Variants in GYS1 observed in about 807,000 individuals in gnomAD.
GYS1 encodes glycogen [starch] synthase, muscle.
In GYS1, 60 loss-of-function variants were observed where a neutral mutation model predicts 89.1. The ratio of observed to expected loss-of-function variants is 0.67; its 90% CI spans 0.55 to 0.84. GYS1 has a LOEUF of 0.84. Among genes scored for constraint, GYS1 ranks in the 40% least tolerant of loss-of-function variants. The pLI is 0.00. For synonymous variants in GYS1, 366 were observed against 401.7 expected (o/e 0.91, Z 1.06); for missense variants, 888 against 1,003.1 (o/e 0.89, Z 1.55).
rs1400212175 is a variant in GYS1, at chr19:48,975,933, A to AG, written c.1309-1201_1309-1200insC. Among the ~76,000 whole-genome samples, 527 of 150,150 alleles carry AG rather than the reference A, an allele frequency of 3.5e-3. 1 individual carries two copies. Among genetic ancestry groups the AG allele is most frequent in the Non-Finnish European group, 6.4e-3 (427 of 67,172 alleles). On this transcript the variant is annotated intron_variant, in intron 10 of 15. Coordinates refer to ENST00000323798, the MANE Select transcript of GYS1 (RefSeq NM_002103.5). ...TCTCAAAAAAAAAAAAAAAAAAAAA[A>AG]AAGAAGAAAAAAGAAAATTCACCTC...
chr19:48,973,372 AATCT>A (rs1300654566), intron 12 of GYS1, among the ~76,000 whole-genome samples: 3 of 151,852 alleles, frequency 2.0e-5, no homozygotes, highest in African/African-American at 2.4e-5. Flanking sequence ...ACTATCTATC[AATCT>A]ATCTATAAAA....
chr19:48,982,038 G>C (rs2038772314), intron 7 of GYS1, among the ~76,000 whole-genome samples: 1 of 152,090 alleles, frequency 6.6e-6, no homozygotes, highest in African/African-American at 2.4e-5. Flanking sequence ...GACTACACGT[G>C]TGAGCCACCA....
Position 48,987,304 on chromosome 19 carries a change from G to A in GYS1, c.382C>T (p.Arg128Cys), listed in dbSNP as rs781754385. Reference sequence around the variant, plus strand: ...GTATCCCAGAGCTCTCCCTTCCAGCGCTCCAGGGCCCAAGCTGAGGCACCC... The same window carrying A: ...GTATCCCAGAGCTCTCCCTTCCAGCACTCCAGGGCCCAAGCTGAGGCACCC... ...DVGASAWALE[R>C]WKGELWDTCN... Residue 128 changes from arginine (R) to cysteine (C), a missense_variant, in exon 3 of 16, where the codon CGC (arginine) becomes TGC (cysteine). Arg to Cys is a radical substitution (Grantham distance 180). Coordinates refer to ENST00000323798, the MANE Select transcript of GYS1 (RefSeq NM_002103.5). 1.2e-5 allele frequency: 20 copies of A among 1,612,360 alleles called. No homozygotes were observed. Among genetic ancestry groups the A allele is most frequent in the African/African-American group, 9.3e-5 (7 of 74,894 alleles).
chr19:48,975,026 G>C (rs1377646692), intron 10 of GYS1, among the ~76,000 whole-genome samples: 2 of 152,098 alleles, frequency 1.3e-5, no homozygotes, highest in African/African-American at 4.8e-5. Flanking sequence ...CACCTCCCAG[G>C]ATCATGCCAT....
chr19:48,970,601 T>C lies in GYS1; in HGVS notation c.1754A>G (p.Gln585Arg), dbSNP rs748471233. The change falls in exon 14 of 16, where the codon CAG becomes CGG. Residue 585 changes from glutamine (Q) to arginine (R), a missense_variant. By Grantham distance (43) the Gln-to-Arg change is conservative. Coordinates refer to ENST00000323798, the MANE Select transcript of GYS1 (RefSeq NM_002103.5). ...GGAGAGGCGCTCCGTGCGGTTCCGC[T>C]GGATGATACGCTGCCGCCGGCTCTG... ...CQQSRRQRII[Q>R]RNRTERLSDL... The C allele has an allele frequency of 4.7e-5, 76 of 1,613,784 alleles. No individual in the cohort carries two copies. The highest frequency in any genetic ancestry group is 2.3e-5 in the Non-Finnish European group (27 of 1,179,942).
At position 48,968,736 on chromosome 19, in the gene GYS1, C is replaced by T. The variant is rs568116332; in HGVS notation, c.*552G>A. ...GACATGCCAGGGAGGGCTAGAACAT[C>T]CCTCCCAGAGCCCCACTTCTGGAGT... is the stretch of plus-strand genomic sequence containing the variant. On this transcript the variant is annotated 3_prime_UTR_variant, in exon 16 of 16. Coordinates refer to ENST00000323798, the MANE Select transcript of GYS1 (RefSeq NM_002103.5). The T allele has an allele frequency of 4.4e-6, 2 of 454,138 alleles. No homozygotes were observed. Among genetic ancestry groups the T allele is most frequent in the Middle Eastern group, 6.9e-4 (1 of 1,444 alleles). The allele number at this position is 454,138 out of a possible 1,614,324, so 28.1% of individuals were successfully genotyped here.
chr19:48,993,046 C>A lies in GYS1; in HGVS notation c.67G>T (p.Asp23Tyr). 6.2e-7 allele frequency: 1 copy of A among 1,613,658 alleles called. No individual in the cohort carries two copies. The highest frequency in any genetic ancestry group is 8.5e-7 in the Non-Finnish European group (1 of 1,179,636). ...PGLEDWEDEFDLENAVLFEVA... is the reference protein window; with the variant it reads ...PGLEDWEDEFYLENAVLFEVA... ...TCGAAGAGCACTGCGTTCTCCAGGT[C>A]GAATTCATCCTCCCAGTCCTCCAGT... The change falls in exon 1 of 16, where the codon GAC becomes TAC. Residue 23 changes from aspartate (D) to tyrosine (Y), a missense_variant. Coordinates refer to ENST00000323798, the MANE Select transcript of GYS1 (RefSeq NM_002103.5).
chr19:48,969,336 CG>C lies in GYS1; in HGVS notation c.2165del (p.Pro722ArgfsTer120), dbSNP rs757063983. 5.7e-6 allele frequency: 9 copies of C among 1,584,406 alleles called. No individual in the cohort carries two copies. Among genetic ancestry groups the C allele is most frequent in the Non-Finnish European group, 6.0e-6 (7 of 1,171,472 alleles). ...DTATSSSLST[P>X]SEPLSPTSSL... is the part of the protein sequence containing the mutation. Reference sequence around the variant, plus strand: ...AGCTGGTGGGGCTGAGGGGCTCGCTCGGGGTGCTGAGTGAGCTGGAGGTGGC... The same window carrying C: ...AGCTGGTGGGGCTGAGGGGCTCGCTCGGGTGCTGAGTGAGCTGGAGGTGGC... On this transcript the variant is annotated frameshift_variant, in exon 16 of 16. Coordinates refer to ENST00000323798, the MANE Select transcript of GYS1 (RefSeq NM_002103.5). LOFTEE classifies it high-confidence loss of function.
At position 48,982,716 on chromosome 19, in the gene GYS1, G is replaced by T; in HGVS notation, c.941+4C>A. 6.4e-7 allele frequency: 1 copy of T among 1,569,404 alleles called. No individual in the cohort carries two copies. The highest frequency in any genetic ancestry group is 8.8e-7 in the Non-Finnish European group (1 of 1,139,628). ...CTTAAGACCTAGGTATATGCCCCAC[G>T]TACCCATAAAAATGGCCCCGCACAA... On this transcript the variant is annotated splice_donor_region_variant and intron_variant, in intron 6 of 15. Coordinates refer to ENST00000323798, the MANE Select transcript of GYS1 (RefSeq NM_002103.5).
In GYS1 at chr19:48,985,862, G is replaced by C. The variant is rs201548356; in HGVS notation, c.666C>G (p.Asn222Lys). 7.0e-4 allele frequency: 1,127 copies of C among 1,613,452 alleles called. 1 individual carries two copies. Among genetic ancestry groups the C allele is most frequent in the Non-Finnish European group, 8.3e-4 (982 of 1,180,026 alleles). ...YLCAGAVDFY[N>K]NLENFNVDKE... ...GGTCCCAGCTCACGTTCTCCAGGTT[G>C]TTGTAGAAGTCCACGGCACCGGCAC... The change falls in exon 4 of 16, where the codon AAC becomes AAG. Residue 222 changes from asparagine to lysine, a missense_variant. Coordinates refer to ENST00000323798, the MANE Select transcript of GYS1 (RefSeq NM_002103.5).
chr19:48,977,288 A>G (rs546439761), intron 10 of GYS1, among the ~76,000 whole-genome samples: 139 of 152,036 alleles, frequency 9.1e-4, no homozygotes, highest in Non-Finnish European at 1.3e-3. Flanking sequence ...ACATTTCTAC[A>G]CTTCCTTTTA....
Position 48,974,325 on chromosome 19 carries a change from C to T in GYS1, c.1437G>A (p.Pro479=), listed in dbSNP as rs752556651. 6.8e-6 allele frequency: 11 copies of T among 1,613,852 alleles called. No homozygotes were observed. The highest frequency in any genetic ancestry group is 1.1e-5 in the South Asian group (1 of 91,074). ...GGGGGCTTGTGGAGGAGAGGAACTCCGGGTGGAAAATCACCTGGTAGTGAA... is the reference window on the plus strand; with the variant it reads ...GGGGGCTTGTGGAGGAGAGGAACTCTGGGTGGAAAATCACCTGGTAGTGAA... The part of the protein sequence containing the change: ...SADRVKVIFH[P]EFLSSTSPLL... Residue 479 remains proline (P), a synonymous_variant, in exon 12 of 16, where the codon CCG becomes CCA. Transcript: ENST00000323798.
chr19:48,992,678 TC>T (rs1442767907), intron 1 of GYS1, among the ~76,000 whole-genome samples: 1 of 151,718 alleles, frequency 6.6e-6, no homozygotes, highest in South Asian at 2.1e-4. Context: ...AGAAATCCCA[TC>T]CCCCCATCCC....
chr19:48,982,467 G>C (rs1040232366), intron 6 of GYS1, 92 bp from the exon 7 acceptor site: 2 of 1,456,012 alleles, frequency 1.4e-6, no homozygotes, highest in Non-Finnish European at 1.9e-6. Flanking sequence ...TGGGTGGGGG[G>C]GCAGAGGATG....
intron 1 of GYS1, among the ~76,000 whole-genome samples, chr19:48,992,433 C>G (rs893602214): frequency 6.6e-6 from 1 of 152,184 alleles, no homozygotes; most frequent in African/African-American, 2.4e-5. Flanking sequence ...ATGGGCTCCT[C>G]TACTCCTAGG....
chr19:48,969,891 G>C (rs374029215), intron 14 of GYS1, 36 bp from the exon 15 acceptor site: 5 of 1,484,248 alleles, frequency 3.4e-6, no homozygotes, highest in Non-Finnish European at 3.8e-6. Flanking sequence ...GAGGATGTGA[G>C]AGCCAGGCCC....
rs113770628 is a variant in GYS1, at chr19:48,980,314, C to T, written c.1169+1216G>A. On this transcript the variant is annotated intron_variant, in intron 8 of 15. Transcript: ENST00000323798. Reference sequence around the variant, plus strand: ...ATATTCCAGTTCTGCTTTATTTTTGCCCAAAAGTAAATTCCGTCTACAGGA... The same window carrying T: ...ATATTCCAGTTCTGCTTTATTTTTGTCCAAAAGTAAATTCCGTCTACAGGA... Among the ~76,000 whole-genome samples, 544 of 152,172 alleles carry T rather than the reference C, an allele frequency of 3.6e-3. 4 individuals are homozygous for T. The highest frequency in any genetic ancestry group is 0.013 in the African/African-American group (523 of 41,520).
intron 7 of GYS1, among the ~76,000 whole-genome samples, 197 bp from the exon 8 acceptor site, chr19:48,981,833 C>A (rs1260318208): frequency 6.6e-6 from 1 of 152,152 alleles, no homozygotes; most frequent in Non-Finnish European, 1.5e-5. Context: ...TACTCAGGGG[C>A]TTTCCTACCC....
At chr19:48,971,159 C>G in intron 12 of GYS1, 136 bp from the exon 13 acceptor site, 1 of 722,410 alleles carries the variant, frequency 1.4e-6, no homozygotes, top group Non-Finnish European at 2.6e-6. Flanking sequence ...CGCTGAGCCC[C>G]CACAACCAGG....
Sources: gnomAD v4.1 joint callset for allele counts (sites outside exome capture counted in the v4.1 genomes callset) on GRCh38, gnomAD v4.1.1 for gene constraint, MANE v1.5 for transcripts, NCBI Gene and HGNC (gene_info 2026-07-23, HGNC 2026-07-21) for gene names.